Variants in B3GALT1 observed in about 807,000 individuals in gnomAD.
The protein encoded by B3GALT1 is UDP-Gal:betaGlcNAc beta 1,3-galactosyltransferase, polypeptide 1.
In B3GALT1, 10 loss-of-function variants were observed where a neutral mutation model predicts 23.2. The observed-to-expected ratio is 0.43, with a 90% CI of 0.27 to 0.73. B3GALT1 has a LOEUF of 0.73. Ranked by LOEUF, B3GALT1 falls within the 30% of genes least tolerant of loss-of-function variation. The probability of loss-of-function intolerance (pLI) is 0.21; values close to 1 mark genes in which losing one functional copy is unlikely to be tolerated. For missense variants in B3GALT1, 299 were observed against 405.4 expected (o/e 0.74, Z 2.25); for synonymous variants, 156 against 141.5 (o/e 1.10, Z -0.73).
At chr2:167,578,951 A>G (rs2105405717) in intron 2 of B3GALT1, among the ~76,000 whole-genome samples, 1 of 152,052 alleles carries the variant, frequency 6.6e-6, no homozygotes, top group South Asian at 2.1e-4. Context: ...ATATAGTGGG[A>G]AGCATTTCCT....
At chr2:167,343,157 G>C (rs936426646) in intron 1 of B3GALT1, among the ~76,000 whole-genome samples, 1 of 152,118 alleles carries the variant, frequency 6.6e-6, no homozygotes, top group Non-Finnish European at 1.5e-5. Flanking sequence ...GTGGGAAGCA[G>C]GTTGAGTGAA....
intron 3 of B3GALT1, among the ~76,000 whole-genome samples, chr2:167,733,332 C>T (rs951143735): frequency 1.3e-5 from 2 of 152,100 alleles, no homozygotes; most frequent in African/African-American, 4.8e-5. Flanking sequence ...ACCCATGGCC[C>T]GCAGGCCTCA....
chr2:167,501,717 G>C (rs925973492), intron 2 of B3GALT1, among the ~76,000 whole-genome samples: 4 of 100,976 alleles, frequency 4.0e-5, no homozygotes, highest in Non-Finnish European at 3.9e-5. Flanking sequence ...ATCTACAGTG[G>C]CAAAAAAAAA....
intron 2 of B3GALT1, among the ~76,000 whole-genome samples, chr2:167,598,930 T>G (rs1247211402): frequency 7.9e-5 from 12 of 152,194 alleles, no homozygotes; most frequent in Admixed American, 5.9e-4. Flanking sequence ...TTCATTCTAT[T>G]CTCTTTCTTT....
intron 1 of B3GALT1, among the ~76,000 whole-genome samples, chr2:167,429,168 C>A (rs530418247): frequency 4.6e-5 from 7 of 151,042 alleles, no homozygotes; most frequent in Non-Finnish European, 1.0e-4. Context: ...GTAGTCCCAG[C>A]TACTTGGGAG....
intron 3 of B3GALT1, among the ~76,000 whole-genome samples, chr2:167,663,184 C>A (rs1686101710): frequency 6.9e-6 from 1 of 145,890 alleles, no homozygotes; most frequent in Non-Finnish European, 1.5e-5. Flanking sequence ...TGTTCAATTC[C>A]CACCTATGAG....
chr2:167,437,272 C>T (rs1246699385), intron 1 of B3GALT1, among the ~76,000 whole-genome samples: 8 of 152,184 alleles, frequency 5.3e-5, no homozygotes, highest in African/African-American at 1.9e-4. Flanking sequence ...AATGTTCAGT[C>T]ACTGCAAGTA....
At chr2:167,753,092 T>A (rs1257565491) in intron 3 of B3GALT1, among the ~76,000 whole-genome samples, 2 of 152,174 alleles carry the variant, frequency 1.3e-5, no homozygotes, top group Admixed American at 1.3e-4. Context: ...ATTCAGAGCA[T>A]TGCACTGGAG....
intron 1 of B3GALT1, among the ~76,000 whole-genome samples, chr2:167,395,205 C>T (rs1267694017): frequency 6.6e-6 from 1 of 152,006 alleles, no homozygotes; most frequent in Non-Finnish European, 1.5e-5. Context: ...AATAATGGCT[C>T]TTCAGACATG....
intron 1 of B3GALT1, among the ~76,000 whole-genome samples, chr2:167,463,602 A>G (rs938939525): frequency 2.0e-5 from 3 of 152,170 alleles, no homozygotes; most frequent in African/African-American, 7.2e-5. Flanking sequence ...TACCTATATG[A>G]TAAAGCAATA....
intron 4 of B3GALT1, among the ~76,000 whole-genome samples, chr2:167,833,586 C>T (rs1472681136): frequency 1.3e-5 from 2 of 152,062 alleles, no homozygotes; most frequent in African/African-American, 2.4e-5. Context: ...AAAAACTACG[C>T]GTGATGTAAA....
chr2:167,341,284 G>A (rs976001184), intron 1 of B3GALT1, among the ~76,000 whole-genome samples: 1 of 152,202 alleles, frequency 6.6e-6, no homozygotes, highest in Non-Finnish European at 1.5e-5. Context: ...ATTAAGATCA[G>A]ATGAACTCTT....
intron 3 of B3GALT1, among the ~76,000 whole-genome samples, chr2:167,704,543 A>G (rs144496783): frequency 6.6e-6 from 1 of 152,156 alleles, no homozygotes; most frequent in Non-Finnish European, 1.5e-5. Flanking sequence ...ACTTTAAAAA[A>G]AAAAACTAGG....
chr2:167,527,100 C>G (rs970558968), intron 2 of B3GALT1, among the ~76,000 whole-genome samples: 2 of 151,986 alleles, frequency 1.3e-5, no homozygotes, highest in Non-Finnish European at 2.9e-5. Context: ...TAATCATATC[C>G]TATGATATGA....
chr2:167,402,570 TAATTA>T (rs1698210405), intron 1 of B3GALT1, among the ~76,000 whole-genome samples: 1 of 152,306 alleles, frequency 6.6e-6, no homozygotes, highest in African/African-American at 2.4e-5. Context: ...GAAGGTTTTT[TAATTA>T]AATTAGTCTT....
chr2:167,308,716 G>C (rs1004389980), intron 1 of B3GALT1, among the ~76,000 whole-genome samples: 4 of 151,752 alleles, frequency 2.6e-5, no homozygotes, highest in South Asian at 2.1e-4. Flanking sequence ...CTTTTCTTTA[G>C]TTGGCAATGG....
At chr2:167,587,981 A>T (rs1307639700) in intron 2 of B3GALT1, among the ~76,000 whole-genome samples, 1 of 152,220 alleles carries the variant, frequency 6.6e-6, no homozygotes, top group Admixed American at 6.5e-5. Context: ...ACACAGGCTC[A>T]TTTGATGGAA....
At chr2:167,748,559 G>A (rs996860645) in intron 3 of B3GALT1, among the ~76,000 whole-genome samples, 11 of 152,152 alleles carry the variant, frequency 7.2e-5, no homozygotes, top group African/African-American at 2.4e-4. Flanking sequence ...TTGAGCTGAG[G>A]TATCAGAAGG....
At position 167,552,500 on chromosome 2, in the gene B3GALT1, AT is replaced by A. The variant is rs374650322; in HGVS notation, c.-410+62226del. Among the ~76,000 whole-genome samples, 42 of 152,330 alleles carry A rather than the reference AT, an allele frequency of 2.8e-4. No individual in the cohort carries two copies. The East Asian group carries it at 6.4e-3, about 23-fold the overall frequency. ...ATAAAGTAGATAAGTAGTAAAACAA[AT>A]TTAAAACATTTGATATGTTTTTGTG... On this transcript the variant is annotated intron_variant, in intron 2 of 4. Coordinates refer to ENST00000392690, the MANE Select transcript of B3GALT1 (RefSeq NM_020981.4).
Sources: gnomAD v4.1 joint callset for allele counts (sites outside exome capture counted in the v4.1 genomes callset) on GRCh38, gnomAD v4.1.1 for gene constraint, MANE v1.5 for transcripts, NCBI Gene and HGNC (gene_info 2026-07-23, HGNC 2026-07-21) for gene names.